Variants in DLG2 observed in about 807,000 individuals in gnomAD.
The protein encoded by DLG2 is discs large MAGUK scaffold protein 2.
A neutral mutation model predicts 132.5 loss-of-function variants in DLG2; 45 were observed. The ratio of observed to expected loss-of-function variants is 0.34; its 90% CI spans 0.27 to 0.44. DLG2 has a LOEUF of 0.44. Ranked by LOEUF, DLG2 falls within the 20% of genes least tolerant of loss-of-function variation. DLG2 has a pLI of 1.00. For missense variants in DLG2, 1,045 were observed against 1,196.9 expected (o/e 0.87, Z 1.87); for synonymous variants, 424 against 419.6 (o/e 1.01, Z -0.13).
chr11:85,239,703 T>C (rs1004583358), intron 4 of DLG2, among the ~76,000 whole-genome samples: 4 of 152,130 alleles, frequency 2.6e-5, no homozygotes, highest in Non-Finnish European at 5.9e-5. Context: ...TATTACATTG[T>C]TAAGATTGAT....
chr11:83,687,196 C>A (rs1272600879), intron 18 of DLG2, among the ~76,000 whole-genome samples: 3 of 152,124 alleles, frequency 2.0e-5, no homozygotes, highest in Non-Finnish European at 4.4e-5. Context: ...AATGTTGAAA[C>A]AATACATTTC....
At chr11:84,484,346 T>C (rs1371515618) in intron 7 of DLG2, among the ~76,000 whole-genome samples, 1 of 152,174 alleles carries the variant, frequency 6.6e-6, no homozygotes, top group East Asian at 1.9e-4. Context: ...TAAGTGAAGA[T>C]GTCTTAGAGC....
chr11:84,781,961 A>C (rs1407694144), intron 6 of DLG2, among the ~76,000 whole-genome samples: 1 of 152,126 alleles, frequency 6.6e-6, no homozygotes, highest in Non-Finnish European at 1.5e-5. Context: ...ATTGAAGCCC[A>C]AATAGGAATC....
chr11:84,924,139 C>G (rs1040968204), intron 6 of DLG2, among the ~76,000 whole-genome samples: 5 of 152,118 alleles, frequency 3.3e-5, no homozygotes, highest in African/African-American at 1.2e-4. Flanking sequence ...ATCCTTCTAT[C>G]TGTTGTCATT....
chr11:84,882,755 C>G lies in DLG2; in HGVS notation c.357+228906G>C, dbSNP rs552809578. On this transcript the variant is annotated intron_variant, in intron 6 of 27. Coordinates refer to ENST00000376104, the MANE Select transcript of DLG2 (RefSeq NM_001142699.3). ...GCCTGGATTTGTCCTTTTGGGGCACCAGAATCTTCATTAAAAATTAAAGAA... is the reference window on the plus strand; with the variant it reads ...GCCTGGATTTGTCCTTTTGGGGCACGAGAATCTTCATTAAAAATTAAAGAA... Among the ~76,000 whole-genome samples, 238 of 152,044 alleles carry G rather than the reference C, an allele frequency of 1.6e-3. 2 individuals carry two copies. Among genetic ancestry groups the G allele is most frequent in the African/African-American group, 5.5e-3 (230 of 41,516 alleles).
At chr11:85,628,126 T>C (rs1191752448), upstream of DLG2, among the ~76,000 whole-genome samples, 1 of 152,148 alleles carries the variant, frequency 6.6e-6, no homozygotes, top group Non-Finnish European at 1.5e-5. Flanking sequence ...GGGGCTGCTC[T>C]GACGGCGCTG....
intron 4 of DLG2, among the ~76,000 whole-genome samples, chr11:85,186,429 G>A (rs1595178874): frequency 6.6e-6 from 1 of 151,772 alleles, no homozygotes; most frequent in Admixed American, 6.6e-5. Flanking sequence ...CTACCATATT[G>A]GACAGAGCAG....
At chr11:83,668,071 A>T (rs1324307541) in intron 18 of DLG2, among the ~76,000 whole-genome samples, 1 of 66,680 alleles carries the variant, frequency 1.5e-5, no homozygotes, top group Non-Finnish European at 3.2e-5. Flanking sequence ...AATGAAGTAA[A>T]AAAAAAAAAA....
At chr11:83,547,567 A>C (rs2096272907) in intron 19 of DLG2, among the ~76,000 whole-genome samples, 2 of 152,096 alleles carry the variant, frequency 1.3e-5, no homozygotes, top group South Asian at 4.1e-4. Context: ...CCTTTTACAA[A>C]CTGGGAATGG....
rs1292897790 is a variant in DLG2 at position 84,904,635 on chromosome 11, A to G, written c.357+207026T>C. On this transcript the variant is annotated intron_variant, in intron 6 of 27. Coordinates refer to ENST00000376104, the MANE Select transcript of DLG2 (RefSeq NM_001142699.3). Reference sequence around the variant, plus strand: ...TCCAGCTATTGAAACTATTTCCGTCATTTAGTTTTTCCTGATCTGTAAAAT... The same window carrying G: ...TCCAGCTATTGAAACTATTTCCGTCGTTTAGTTTTTCCTGATCTGTAAAAT... Among the ~76,000 whole-genome samples the G allele has an allele frequency of 2.6e-5, 4 of 152,170 alleles. No homozygotes were observed. The East Asian group carries it at 7.7e-4, about 29-fold the overall frequency.
intron 3 of DLG2, among the ~76,000 whole-genome samples, chr11:85,523,992 A>C (rs539535208): frequency 6.6e-6 from 1 of 152,216 alleles, no homozygotes; most frequent in Non-Finnish European, 1.5e-5. Context: ...CTGAAAGACC[A>C]CTTTGCATGT....
At chr11:85,394,796 C>A (rs979952316) in intron 3 of DLG2, among the ~76,000 whole-genome samples, 11 of 152,258 alleles carry the variant, frequency 7.2e-5, no homozygotes, top group Admixed American at 5.9e-4. Flanking sequence ...TTCTGGTTAG[C>A]CCCAACACCA....
At chr11:85,027,684 G>A (rs1027621127) in intron 6 of DLG2, among the ~76,000 whole-genome samples, 3 of 152,360 alleles carry the variant, frequency 2.0e-5, no homozygotes, top group East Asian at 1.9e-4. Flanking sequence ...ATGCAAGGCT[G>A]TGGCTGGACC....
chr11:84,470,083 G>C (rs1189289695), intron 7 of DLG2, among the ~76,000 whole-genome samples: 1 of 151,718 alleles, frequency 6.6e-6, no homozygotes, highest in African/African-American at 2.4e-5. Context: ...ACAAGGTATA[G>C]TAAAAGTGTG....
intron 25 of DLG2, among the ~76,000 whole-genome samples, chr11:83,468,079 G>A (rs1453891085): frequency 6.6e-6 from 1 of 151,898 alleles, no homozygotes; most frequent in Non-Finnish European, 1.5e-5. Context: ...GGAGAGAAAT[G>A]TCCTCATTAC....
At chr11:84,473,095 A>G (rs2154490911) in intron 7 of DLG2, among the ~76,000 whole-genome samples, 1 of 152,040 alleles carries the variant, frequency 6.6e-6, no homozygotes, top group East Asian at 1.9e-4. Flanking sequence ...GAGTTGTCAT[A>G]TGACTTGTCT....
At chr11:83,677,982 A>G (rs1201656848) in intron 18 of DLG2, among the ~76,000 whole-genome samples, 4 of 152,218 alleles carry the variant, frequency 2.6e-5, no homozygotes, top group Non-Finnish European at 5.9e-5. Context: ...ATTAGTCCTC[A>G]GCTCTAAGTG....
chr11:84,562,436 G>T (rs1353567096), intron 6 of DLG2, among the ~76,000 whole-genome samples: 1 of 152,028 alleles, frequency 6.6e-6, no homozygotes, highest in Non-Finnish European at 1.5e-5. Flanking sequence ...AAGGCTTCTG[G>T]GTTTGCCTCA....
intron 6 of DLG2, among the ~76,000 whole-genome samples, chr11:85,055,772 C>T (rs530971401): frequency 1.7e-4 from 26 of 152,168 alleles, no homozygotes; most frequent in African/African-American, 6.0e-4. Context: ...TCACACGATG[C>T]TGGAGAGTAA....
Sources: gnomAD v4.1 joint callset for allele counts (sites outside exome capture counted in the v4.1 genomes callset) on GRCh38, gnomAD v4.1.1 for gene constraint, MANE v1.5 for transcripts, NCBI Gene and HGNC (gene_info 2026-07-23, HGNC 2026-07-21) for gene names.